The following NFYC variants were observed in gnomAD, a reference collection of about 807,000 sequenced individuals.
NFYC encodes the protein CAAT box DNA-binding protein subunit C.
Under a neutral mutation model 53.1 loss-of-function variants are expected in NFYC, and 25 were observed. The ratio of observed to expected loss-of-function variants is 0.47; its 90% CI spans 0.34 to 0.66. The LOEUF is 0.66. NFYC is among the 30% of genes least tolerant of loss of function. The pLI is 0.01. For synonymous variants in NFYC, 145 were observed against 152.6 expected, an observed-to-expected ratio of 0.95 and a Z score of 0.37; for missense variants, 260 against 422.7, an observed-to-expected ratio of 0.62 and a Z score of 3.38.
At chr1:40,737,164 C>T (rs140742116) in intron 1 of NFYC, among the ~76,000 whole-genome samples, 143 of 147,304 alleles carry the variant, frequency 9.7e-4, no homozygotes, top group African/African-American at 3.5e-3. Context: ...AAATCCCAGA[C>T]ATTTCTGGTC....
rs577021365 is a variant in NFYC, at chr1:40,754,943, A to G, written c.387+1697A>G. On this transcript the variant is annotated intron_variant, in intron 5 of 9. Transcript: ENST00000447388. ...TTCTTTGTAGGTGTTCGAGGCATTG[A>G]TTGGCATCGTATTCGGGACAGCTGC... Among the ~76,000 whole-genome samples the G allele has an allele frequency of 3.3e-5, 5 of 152,278 alleles. No individual in the cohort carries two copies. In the East Asian group the frequency reaches 9.6e-4, roughly 29 times the overall value.
At chr1:40,720,212 G>A (rs1485762730) in intron 1 of NFYC, among the ~76,000 whole-genome samples, 1 of 152,114 alleles carries the variant, frequency 6.6e-6, no homozygotes, top group Non-Finnish European at 1.5e-5. Flanking sequence ...AATTCACAGT[G>A]TATCTGAATG....
intron 8 of NFYC, 108 bp downstream of exon 8, chr1:40,766,811 C>T: frequency 6.7e-7 from 1 of 1,484,604 alleles, no homozygotes; most frequent in South Asian, 1.2e-5. Context: ...ATCCTTCAAC[C>T]AGAAGCACCA....
chr1:40,733,178 A>G (rs1570505160), intron 1 of NFYC, among the ~76,000 whole-genome samples: 1 of 152,060 alleles, frequency 6.6e-6, no homozygotes, highest in Non-Finnish European at 1.5e-5. Context: ...AGGAGGGGAA[A>G]TAAGACATAC....
At chr1:40,741,046 T>G in intron 2 of NFYC, among the ~76,000 whole-genome samples, 1 of 152,182 alleles carries the variant, frequency 6.6e-6, no homozygotes, top group Non-Finnish European at 1.5e-5. Flanking sequence ...CTTGAGAATT[T>G]TTTCATATTG....
chr1:40,705,220 G>T (rs1643637584), intron 1 of NFYC, among the ~76,000 whole-genome samples: 1 of 152,212 alleles, frequency 6.6e-6, no homozygotes, highest in Non-Finnish European at 1.5e-5. Flanking sequence ...CAAGTGCTTA[G>T]TTGTTTTGCC....
intron 1 of NFYC, among the ~76,000 whole-genome samples, chr1:40,707,865 A>AC (rs1557747886): frequency 6.6e-6 from 1 of 151,504 alleles, no homozygotes; most frequent in African/African-American, 2.4e-5. Context: ...AAAAAAAAAA[A>AC]AGAATGAAAG....
intron 2 of NFYC, among the ~76,000 whole-genome samples, chr1:40,745,174 G>C (rs745917459): frequency 1.3e-5 from 2 of 152,032 alleles, no homozygotes; most frequent in African/African-American, 4.8e-5. Context: ...GAAATTGAAG[G>C]AGTAATAGTT....
chr1:40,702,221 A>T (rs570660718), intron 1 of NFYC, among the ~76,000 whole-genome samples: 2 of 150,262 alleles, frequency 1.3e-5, no homozygotes, highest in Non-Finnish European at 3.0e-5. Context: ...TTATTAGTTT[A>T]TTTCATTCCT....
At chr1:40,700,674 ACT>A (rs1269963622) in intron 1 of NFYC, among the ~76,000 whole-genome samples, 1 of 152,006 alleles carries the variant, frequency 6.6e-6, no homozygotes, top group Non-Finnish European at 1.5e-5. Flanking sequence ...ATGGAGTCTC[ACT>A]CTATGAGGTT....
chr1:40,742,695 A>G (rs1645413709), intron 2 of NFYC, among the ~76,000 whole-genome samples: 1 of 152,232 alleles, frequency 6.6e-6, no homozygotes, highest in African/African-American at 2.4e-5. Context: ...TAGGTGCACA[A>G]TAAATATTTG....
chr1:40,713,808 T>A (rs998842563), intron 1 of NFYC, among the ~76,000 whole-genome samples: 4 of 152,262 alleles, frequency 2.6e-5, no homozygotes, highest in Admixed American at 2.6e-4. Context: ...ATTTTTCATG[T>A]TTCTTTTCTT....
At chr1:40,730,290 C>A (rs1427038947) in intron 1 of NFYC, among the ~76,000 whole-genome samples, 1 of 148,900 alleles carries the variant, frequency 6.7e-6, no homozygotes, top group Non-Finnish European at 1.5e-5. Context: ...GTCAGCCCTC[C>A]TTGGTGCCTC....
chr1:40,704,245 G>T (rs1411076475), intron 1 of NFYC, among the ~76,000 whole-genome samples: 3 of 152,226 alleles, frequency 2.0e-5, no homozygotes, highest in African/African-American at 7.2e-5. Context: ...CTAATTTTTT[G>T]TATTGTTAGT....
chr1:40,755,666 G>A (rs1646173721), intron 5 of NFYC, among the ~76,000 whole-genome samples: 1 of 152,154 alleles, frequency 6.6e-6, no homozygotes, highest in Non-Finnish European at 1.5e-5. Context: ...TAATGCAGAA[G>A]AGCCTTAGAT....
chr1:40,751,479 C>T (rs1180188500), intron 4 of NFYC, among the ~76,000 whole-genome samples: 6 of 152,138 alleles, frequency 3.9e-5, no homozygotes, highest in Non-Finnish European at 7.4e-5. Context: ...AATCACAGCT[C>T]ATTGCAGCCT....
intron 2 of NFYC, among the ~76,000 whole-genome samples, 173 bp from the exon 3 acceptor site, chr1:40,747,356 TAAGTA>T (rs1645668321): frequency 6.6e-6 from 1 of 152,190 alleles, no homozygotes; most frequent in South Asian, 2.1e-4. Flanking sequence ...CTGCATATGT[TAAGTA>T]AAGAAGAATT....
chr1:40,759,000 A>G (rs905646246), intron 6 of NFYC, among the ~76,000 whole-genome samples: 1 of 152,188 alleles, frequency 6.6e-6, no homozygotes, highest in Non-Finnish European at 1.5e-5. Flanking sequence ...GGAATTCACA[A>G]TTTAGTTGGG....
intron 1 of NFYC, among the ~76,000 whole-genome samples, chr1:40,725,248 G>C (rs1178923386): frequency 6.6e-6 from 1 of 152,092 alleles, no homozygotes; most frequent in Non-Finnish European, 1.5e-5. Context: ...GCCTTCCCTT[G>C]TATTCATTCA....
Sources: gnomAD v4.1 joint callset for allele counts (sites outside exome capture counted in the v4.1 genomes callset) on GRCh38, gnomAD v4.1.1 for gene constraint, MANE v1.5 for transcripts, NCBI Gene and HGNC (gene_info 2026-07-23, HGNC 2026-07-21) for gene names.